HNF4A: variants seen among roughly 807,000 people sequenced by gnomAD.
The protein encoded by HNF4A is hepatocyte nuclear factor 4 alpha.
HNF4A carries 15 observed loss-of-function variants against 52.4 expected under a neutral mutation model. That is an observed-to-expected ratio of 0.29 (90% CI 0.19 to 0.44). The LOEUF (loss-of-function observed/expected upper bound fraction) is 0.44, where lower values mean the gene tolerates loss of function less well. HNF4A is among the 20% of genes least tolerant of loss of function. HNF4A has a pLI of 1.00. For synonymous variants in HNF4A, 280 were observed against 264.4 expected, an observed-to-expected ratio of 1.06 and a Z score of -0.57; for missense variants, 479 against 647.2, an observed-to-expected ratio of 0.74 and a Z score of 2.82.
At chr20:44,407,917 A>G (rs1396130357) in intron 3 of HNF4A, among the ~76,000 whole-genome samples, 2 of 152,226 alleles carry the variant, frequency 1.3e-5, no homozygotes, top group Non-Finnish European at 2.9e-5. Flanking sequence ...TTCCGGTCCC[A>G]GGGACAAATG....
At chr20:44,426,573 G>A (rs1199184627) in intron 8 of HNF4A, among the ~76,000 whole-genome samples, 3 of 152,086 alleles carry the variant, frequency 2.0e-5, no homozygotes, top group Non-Finnish European at 4.4e-5. Context: ...GGAGGCCGAG[G>A]CGGGTGGATC....
At chr20:44,398,072 GGTTT>G (rs2063369600), upstream of HNF4A, among the ~76,000 whole-genome samples, 1 of 152,126 alleles carries the variant, frequency 6.6e-6, no homozygotes, top group Non-Finnish European at 1.5e-5. Flanking sequence ...ATGTGTTAAG[GGTTT>G]GTTTGGTACC....
intron 1 of HNF4A, among the ~76,000 whole-genome samples, chr20:44,371,311 C>A (rs1432797496): frequency 6.6e-6 from 1 of 152,198 alleles, no homozygotes; most frequent in East Asian, 1.9e-4. Context: ...GAGTCTCAAT[C>A]TTGTCGCCGA....
intron 8 of HNF4A, 29 bp downstream of exon 8, chr20:44,424,283 T>A: frequency 6.2e-7 from 1 of 1,611,032 alleles, no homozygotes; most frequent in Non-Finnish European, 8.5e-7. Context: ...AGGGGCGGGG[T>A]TGGAGTGGGG....
chr20:44,408,717 A>ACC (rs2063538595), intron 3 of HNF4A, among the ~76,000 whole-genome samples: 1 of 151,672 alleles, frequency 6.6e-6, no homozygotes, highest in Non-Finnish European at 1.5e-5. Context: ...AGACAGCGAG[A>ACC]CTCTCTCAAA....
rs2063719124 is a variant in HNF4A at position 44,419,806 on chromosome 20, G to T, written c.822G>T (p.Leu274=). 1 of 1,614,126 alleles carries T rather than the reference G, an allele frequency of 6.2e-7. No homozygotes were observed. Among genetic ancestry groups the T allele is most frequent in the Non-Finnish European group, 8.5e-7 (1 of 1,180,008 alleles). Reference sequence around the variant, plus strand: ...TACGCATCCTTGACGAGCTGGTGCTGCCCTTCCAGGAGCTGCAGATCGATG... The same window carrying T: ...TACGCATCCTTGACGAGCTGGTGCTTCCCTTCCAGGAGCTGCAGATCGATG... The change falls in exon 7 of 10, where the codon CTG becomes CTT. Residue 274 remains leucine (L), a synonymous_variant. Transcript: ENST00000316099.
chr20:44,389,659 C>G (rs1202132497), intron 1 of HNF4A: 1 of 152,188 alleles, frequency 6.6e-6, no homozygotes, highest in African/African-American at 2.4e-5. Flanking sequence ...AGTTATTCAT[C>G]CAGCCTATTT....
intron 1 of HNF4A, among the ~76,000 whole-genome samples, chr20:44,368,160 A>ATATTTTTTT (rs1200638153): frequency 7.2e-5 from 2 of 27,778 alleles, no homozygotes; most frequent in African/African-American, 1.5e-4. Context: ...ATATATATAT[A>ATATTTTTTT]TTTTTTTTTT....
chr20:44,404,175 T>A (rs1351718125), intron 1 of HNF4A, among the ~76,000 whole-genome samples: 1 of 152,188 alleles, frequency 6.6e-6, no homozygotes, highest in East Asian at 1.9e-4. Context: ...TGAACACTGA[T>A]ATAGTGCTTA....
chr20:44,408,583 T>G (rs1280834495), intron 3 of HNF4A, among the ~76,000 whole-genome samples: 1 of 151,944 alleles, frequency 6.6e-6, no homozygotes, highest in Admixed American at 6.6e-5. Context: ...AAAAATTAGC[T>G]GGGCGTGGTG....
At chr20:44,411,269 G>C (rs561247835) in intron 3 of HNF4A, among the ~76,000 whole-genome samples, 11 of 152,150 alleles carry the variant, frequency 7.2e-5, no homozygotes, top group Non-Finnish European at 1.5e-4. Context: ...GGGAAGACAG[G>C]CTCATCACCT....
intron 7 of HNF4A, among the ~76,000 whole-genome samples, chr20:44,421,188 C>G (rs2146452348): frequency 6.6e-6 from 1 of 152,328 alleles, no homozygotes; most frequent in East Asian, 1.9e-4. Context: ...TATCTCCCAA[C>G]CCTTCACATT....
At chr20:44,396,677 G>A (rs973887866), upstream of HNF4A, among the ~76,000 whole-genome samples, 40 of 152,196 alleles carry the variant, frequency 2.6e-4, no homozygotes, top group African/African-American at 8.4e-4. Flanking sequence ...TATGTGGCCA[G>A]TGTGTCATGC....
intron 1 of HNF4A, among the ~76,000 whole-genome samples, chr20:44,404,913 G>A: frequency 9.7e-6 from 1 of 103,356 alleles, no homozygotes; most frequent in African/African-American, 3.6e-5. Flanking sequence ...TGTGTGGTGT[G>A]TGTGTGCTTG....
At chr20:44,378,275 T>G (rs913963727) in intron 1 of HNF4A, among the ~76,000 whole-genome samples, 10 of 151,822 alleles carry the variant, frequency 6.6e-5, no homozygotes, top group African/African-American at 2.2e-4. Flanking sequence ...GCATGTATTT[T>G]TTTTTTTTTT....
intron 1 of HNF4A, among the ~76,000 whole-genome samples, chr20:44,379,794 C>T (rs983305741): frequency 2.8e-5 from 4 of 142,202 alleles, no homozygotes; most frequent in African/African-American, 5.3e-5. Flanking sequence ...GGTGCAGTGG[C>T]GCGATCTTGG....
chr20:44,396,130 G>C (rs996178968), intron 1 of HNF4A, among the ~76,000 whole-genome samples: 1 of 152,190 alleles, frequency 6.6e-6, no homozygotes, highest in African/African-American at 2.4e-5. Context: ...AAGCCCTCAA[G>C]CTCTGGAGGC....
upstream of HNF4A, among the ~76,000 whole-genome samples, chr20:44,400,642 C>T (rs1600695489): frequency 6.6e-6 from 1 of 151,922 alleles, no homozygotes; most frequent in African/African-American, 2.4e-5. Flanking sequence ...CTGTGGGAGA[C>T]GGAGAGGGGC....
chr20:44,384,401 G>A (rs541014939), intron 1 of HNF4A: 1 of 152,176 alleles, frequency 6.6e-6, no homozygotes, highest in South Asian at 2.1e-4. Context: ...AATCATAATG[G>A]TCATTAAAAA....
Sources: allele counts gnomAD v4.1 joint callset (sites outside exome capture counted in the v4.1 genomes callset), GRCh38; gene constraint gnomAD v4.1.1; transcripts MANE v1.5; gene names NCBI Gene and HGNC (gene_info 2026-07-23, HGNC 2026-07-21).